The following CSMD1 variants were observed in gnomAD, a reference collection of about 807,000 sequenced individuals.
CSMD1 encodes the protein CUB and sushi domain-containing protein 1.
Under a neutral mutation model 417.5 loss-of-function variants are expected in CSMD1, and 213 were observed. That is an observed-to-expected ratio of 0.51 (90% CI 0.46 to 0.57). The LOEUF (loss-of-function observed/expected upper bound fraction) is 0.57, where lower values mean the gene tolerates loss of function less well. Ranked by LOEUF, CSMD1 falls within the 20% of genes least tolerant of loss-of-function variation. The pLI, the probability that CSMD1 is intolerant of heterozygous loss-of-function variation, is 0.00. For synonymous variants in CSMD1, 2,862 were observed against 1,736.8 expected, an observed-to-expected ratio of 1.65 and a Z score of -16.11; for missense variants, 6,923 against 4,529.7, an observed-to-expected ratio of 1.53 and a Z score of -15.17.
chr8:4,240,762 A>T (rs1324710899), intron 3 of CSMD1, among the ~76,000 whole-genome samples: 6 of 152,018 alleles, frequency 3.9e-5, no homozygotes, highest in Non-Finnish European at 8.8e-5. Context: ...TTTGAATTTA[A>T]TTTTTTCTTA....
rs770292290 is a variant in CSMD1 at position 3,219,410 on chromosome 8, T to C, written c.4517A>G (p.His1506Arg). Residue 1506 changes from histidine (H) to arginine (R), a missense_variant, in exon 29 of 70, where the codon CAC (histidine) becomes CGC (arginine). Transcript: ENST00000635120. ...FNMEPSYDFL[H>R]IYEGEDSNSP... ...GTTGGAATCTTCCCCTTCATAGATG[T>C]GTAGGAAGTCATAGCTGGGCTCCAT... 1 of 1,540,600 alleles carries C rather than the reference T, an allele frequency of 6.5e-7. No homozygotes were observed. The highest frequency in any genetic ancestry group is 8.7e-7 in the Non-Finnish European group (1 of 1,143,772).
In CSMD1 at chr8:3,826,138, G is replaced by A. The variant is rs563336323; in HGVS notation, c.819-72096C>T. 1.6e-4 allele frequency among the ~76,000 whole-genome samples: 25 copies of A among 152,032 alleles called. 1 individual carries two copies. Among genetic ancestry groups the A allele is most frequent in the Admixed American group, 1.6e-3 (25 of 15,258 alleles). ...CGGCCGTCAGCAGGGAACTCACACT[G>A]CGAATGAATACATCAAAGTGACGAG... On this transcript the variant is annotated intron_variant, in intron 5 of 69. Transcript: ENST00000635120.
At chr8:3,714,695 C>A (rs1801728773) in intron 6 of CSMD1, among the ~76,000 whole-genome samples, 1 of 152,028 alleles carries the variant, frequency 6.6e-6, no homozygotes, top group Admixed American at 6.5e-5. Context: ...CGAAACGGTG[C>A]CACTGTACTC....
chr8:3,876,312 G>A (rs1211114455), intron 5 of CSMD1, among the ~76,000 whole-genome samples: 2 of 152,118 alleles, frequency 1.3e-5, no homozygotes, highest in East Asian at 3.9e-4. Context: ...GGGAAAAGGT[G>A]ATGCACATTT....
chr8:4,385,989 CCT>C (rs200699950), intron 3 of CSMD1, among the ~76,000 whole-genome samples: 6,072 of 152,002 alleles, frequency 0.04, 162 homozygotes, highest in Non-Finnish European at 0.06. Flanking sequence ...AAGTTCATTT[CCT>C]CTGTTTCATT....
At chr8:4,452,591 C>A (rs957586474) in intron 2 of CSMD1, among the ~76,000 whole-genome samples, 1 of 152,006 alleles carries the variant, frequency 6.6e-6, no homozygotes, top group African/African-American at 2.4e-5. Context: ...ATCAGAAAAC[C>A]GGTAACGAAA....
chr8:3,100,727 A>C (rs919765940), intron 46 of CSMD1, among the ~76,000 whole-genome samples: 1 of 152,236 alleles, frequency 6.6e-6, no homozygotes, highest in Non-Finnish European at 1.5e-5. Flanking sequence ...AAAGCATCTT[A>C]TTCAACGCAT....
intron 5 of CSMD1, among the ~76,000 whole-genome samples, chr8:3,991,180 G>C (rs1269408264): frequency 1.3e-5 from 2 of 152,182 alleles, no homozygotes; most frequent in Admixed American, 6.5e-5. Flanking sequence ...AATCCACCCA[G>C]GTGAAAACAA....
chr8:4,570,255 G>A (rs745488480), intron 2 of CSMD1, among the ~76,000 whole-genome samples: 3 of 152,150 alleles, frequency 2.0e-5, no homozygotes, highest in Non-Finnish European at 4.4e-5. Context: ...TGACCATTCT[G>A]TATGACATTG....
chr8:4,130,913 G>A (rs17069091), intron 3 of CSMD1, among the ~76,000 whole-genome samples: 42,214 of 151,706 alleles, frequency 0.28, 6,032 homozygotes, highest in East Asian at 0.4. Context: ...TGGATGGACG[G>A]ATTAATTATT....
chr8:4,216,428 G>T (rs977251515), intron 3 of CSMD1, among the ~76,000 whole-genome samples: 1 of 152,146 alleles, frequency 6.6e-6, no homozygotes, highest in African/African-American at 2.4e-5. Context: ...ATACTTATTT[G>T]AAGTTCCTAA....
intron 7 of CSMD1, among the ~76,000 whole-genome samples, chr8:3,660,052 C>A (rs529251522): frequency 1.3e-5 from 2 of 152,304 alleles, no homozygotes; most frequent in African/African-American, 2.4e-5. Flanking sequence ...CTGTGTTCAG[C>A]AACACGCTAT....
rs190259545 is a variant in CSMD1, at chr8:2,993,423, C to T, written c.8377+4588G>A. Among the ~76,000 whole-genome samples the T allele has an allele frequency of 7.3e-3, 1,106 of 152,314 alleles. 9 individuals are homozygous for T. The highest frequency in any genetic ancestry group is 0.012 in the Non-Finnish European group (840 of 68,028). ...TACTGTCTGCCCCTGTCCGGCATCA[C>T]TTTCCTGATCCTATTACAAAAGAGG... On this transcript the variant is annotated intron_variant, in intron 54 of 69. Transcript: ENST00000635120.
intron 2 of CSMD1, among the ~76,000 whole-genome samples, chr8:4,633,723 AT>A (rs965524386): frequency 6.6e-6 from 1 of 151,520 alleles, no homozygotes; most frequent in African/African-American, 2.4e-5. Flanking sequence ...TGTCCAGCTA[AT>A]TTTTTTTGTA....
chr8:4,902,771 G>A (rs561882602), intron 1 of CSMD1, among the ~76,000 whole-genome samples: 2 of 151,872 alleles, frequency 1.3e-5, no homozygotes, highest in African/African-American at 4.8e-5. Context: ...TAGCTTATCT[G>A]CCCAGGCAGT....
intron 2 of CSMD1, among the ~76,000 whole-genome samples, chr8:4,456,417 G>GA (rs371609498): frequency 6.6e-6 from 1 of 151,946 alleles, no homozygotes. Flanking sequence ...CGACTTCTTA[G>GA]AAAAAAAGTA....
chr8:4,576,957 G>C (rs971563430), intron 2 of CSMD1, among the ~76,000 whole-genome samples: 5 of 152,174 alleles, frequency 3.3e-5, no homozygotes, highest in Non-Finnish European at 5.9e-5. Flanking sequence ...CAAGCTCTCA[G>C]CTAAGTTTTC....
chr8:3,895,418 C>T (rs1318349448), intron 5 of CSMD1, among the ~76,000 whole-genome samples: 2 of 152,000 alleles, frequency 1.3e-5, no homozygotes, highest in African/African-American at 2.4e-5. Context: ...TTCTGTGGCC[C>T]TATTAACACA....
intron 37 of CSMD1, among the ~76,000 whole-genome samples, chr8:3,174,403 G>C (rs1270073956): frequency 6.6e-6 from 1 of 152,140 alleles, no homozygotes; most frequent in Admixed American, 6.5e-5. Flanking sequence ...GCTGAGGTGG[G>C]AGGATTGCTT....
Sources: allele counts gnomAD v4.1 joint callset (sites outside exome capture counted in the v4.1 genomes callset), GRCh38; gene constraint gnomAD v4.1.1; transcripts MANE v1.5; gene names NCBI Gene and HGNC (gene_info 2026-07-23, HGNC 2026-07-21).